The following ZBTB20 variants were observed in gnomAD, a reference collection of about 807,000 sequenced individuals.
ZBTB20 encodes zinc finger and BTB domain-containing protein 20.
ZBTB20 carries 9 observed loss-of-function variants against 56.9 expected under a neutral mutation model. The observed-to-expected ratio is 0.16, with a 90% CI of 0.10 to 0.28. The LOEUF (loss-of-function observed/expected upper bound fraction) is 0.28, where lower values mean the gene tolerates loss of function less well. ZBTB20 is among the 10% of genes least tolerant of loss of function. The pLI is 1.00. For synonymous variants in ZBTB20, 417 were observed against 420.7 expected (o/e 0.99, Z 0.11); for missense variants, 655 against 1,003.0 (o/e 0.65, Z 4.69).
intron 4 of ZBTB20, among the ~76,000 whole-genome samples, chr3:114,883,173 T>C (rs1172792903): frequency 6.6e-6 from 1 of 152,220 alleles, no homozygotes; most frequent in African/African-American, 2.4e-5. Context: ...AATATCAATT[T>C]TGAGCACCTG....
chr3:115,092,418 G>A (rs1367902386), intron 1 of ZBTB20, among the ~76,000 whole-genome samples: 2 of 152,136 alleles, frequency 1.3e-5, no homozygotes, highest in African/African-American at 4.8e-5. Context: ...CACCACAGTT[G>A]TAATACTGGC....
At chr3:114,932,844 C>G (rs978074991) in intron 3 of ZBTB20, among the ~76,000 whole-genome samples, 1 of 152,310 alleles carries the variant, frequency 6.6e-6, no homozygotes, top group African/African-American at 2.4e-5. Context: ...TTGTTTCCCC[C>G]ACTCTTGAAT....
chr3:114,427,902 C>T (rs1433323375), intron 7 of ZBTB20, among the ~76,000 whole-genome samples: 1 of 152,128 alleles, frequency 6.6e-6, no homozygotes, highest in Non-Finnish European at 1.5e-5. Context: ...GTTTGAATGT[C>T]AATGTGACTC....
intron 7 of ZBTB20, among the ~76,000 whole-genome samples, chr3:114,462,459 T>G (rs776298381): frequency 3.9e-4 from 59 of 152,346 alleles, no homozygotes; most frequent in Non-Finnish European, 7.1e-4. Flanking sequence ...AGTCTATGGC[T>G]TGTGGGATTC....
At chr3:114,697,097 GAA>G (rs34992420) in intron 5 of ZBTB20, among the ~76,000 whole-genome samples, 126 of 137,270 alleles carry the variant, frequency 9.2e-4, no homozygotes, top group South Asian at 2.0e-3. Flanking sequence ...GAGAAAAAAA[GAA>G]AAAAAAAAAA....
intron 7 of ZBTB20, among the ~76,000 whole-genome samples, chr3:114,430,861 A>G (rs903389373): frequency 3.3e-5 from 5 of 152,142 alleles, no homozygotes; most frequent in African/African-American, 7.2e-5. Context: ...AGTCTGCTTC[A>G]TTTTTACTCC....
At chr3:114,851,003 A>G (rs971776955) in intron 4 of ZBTB20, among the ~76,000 whole-genome samples, 2 of 152,204 alleles carry the variant, frequency 1.3e-5, no homozygotes, top group Non-Finnish European at 2.9e-5. Context: ...AAAAGAACCA[A>G]GCCCAGAAAC....
At chr3:114,663,056 C>T (rs28799613) in intron 6 of ZBTB20, among the ~76,000 whole-genome samples, 5,513 of 149,704 alleles carry the variant, frequency 0.037, 136 homozygotes, top group Admixed American at 0.094. Context: ...AGATACTCCT[C>T]GAGAAGAGCA....
chr3:114,860,415 A>T (rs1232756987), intron 4 of ZBTB20, among the ~76,000 whole-genome samples: 2 of 152,222 alleles, frequency 1.3e-5, no homozygotes, highest in African/African-American at 2.4e-5. Flanking sequence ...CTAGTATATC[A>T]AACACTGTGG....
At chr3:115,042,984 G>A (rs1014290835) in intron 2 of ZBTB20, among the ~76,000 whole-genome samples, 11 of 152,214 alleles carry the variant, frequency 7.2e-5, no homozygotes, top group African/African-American at 2.6e-4. Context: ...AATACAAAGG[G>A]AGAAAATAGT....
At chr3:114,342,564 T>C (rs2079866359) in intron 11 of ZBTB20, among the ~76,000 whole-genome samples, 1 of 152,238 alleles carries the variant, frequency 6.6e-6, no homozygotes, top group Admixed American at 6.5e-5. Context: ...TCATTTAACC[T>C]CTATAAGCCT....
At chr3:114,669,742 C>T (rs1385689948) in intron 6 of ZBTB20, among the ~76,000 whole-genome samples, 1 of 151,850 alleles carries the variant, frequency 6.6e-6, no homozygotes, top group Non-Finnish European at 1.5e-5. Flanking sequence ...TTCATTTGTG[C>T]AGAACATAGC....
At chr3:114,873,959 A>G (rs2076101803) in intron 4 of ZBTB20, 2 of 152,332 alleles carry the variant, frequency 1.3e-5, no homozygotes, top group South Asian at 4.1e-4. Flanking sequence ...CCAAGAACCA[A>G]CACTGCCTGG....
intron 6 of ZBTB20, among the ~76,000 whole-genome samples, chr3:114,610,531 T>A (rs912016976): frequency 1.3e-5 from 2 of 152,188 alleles, no homozygotes; most frequent in Admixed American, 6.5e-5. Context: ...ACATTTTTCA[T>A]CCCAACTGCA....
intron 6 of ZBTB20, among the ~76,000 whole-genome samples, chr3:114,636,926 C>T (rs73224534): frequency 1.8e-4 from 1 of 5,608 alleles, no homozygotes; most frequent in African/African-American, 7.4e-4. Flanking sequence ...ACAACAACAA[C>T]AAAAAACAAC....
chr3:114,573,463 G>GAAAAAAAA (rs1173999269), intron 6 of ZBTB20, among the ~76,000 whole-genome samples: 2 of 34,342 alleles, frequency 5.8e-5, no homozygotes, highest in Non-Finnish European at 6.3e-5. Context: ...CAACAAAAAA[G>GAAAAAAAA]AAAAAAAAAA....
chr3:114,996,914 A>C (rs1162715592), intron 2 of ZBTB20, among the ~76,000 whole-genome samples: 1 of 151,992 alleles, frequency 6.6e-6, no homozygotes, highest in Non-Finnish European at 1.5e-5. Flanking sequence ...AGAGAAATGC[A>C]AATCAAAACC....
intron 6 of ZBTB20, among the ~76,000 whole-genome samples, chr3:114,517,956 T>A (rs1474862253): frequency 6.6e-6 from 1 of 152,168 alleles, no homozygotes; most frequent in East Asian, 1.9e-4. Context: ...GCCAACATGG[T>A]ACTATTACCC....
intron 4 of ZBTB20, among the ~76,000 whole-genome samples, chr3:114,858,454 C>A (rs893225774): frequency 6.6e-6 from 1 of 152,004 alleles, no homozygotes; most frequent in African/African-American, 2.4e-5. Flanking sequence ...GAAAGCTTGT[C>A]CATTTTACAT....
Sources: gnomAD v4.1 joint callset for allele counts (sites outside exome capture counted in the v4.1 genomes callset) on GRCh38, gnomAD v4.1.1 for gene constraint, MANE v1.5 for transcripts, NCBI Gene and HGNC (gene_info 2026-07-23, HGNC 2026-07-21) for gene names.